The following BANP variants were observed in gnomAD, a reference collection of about 807,000 sequenced individuals.
The protein encoded by BANP is protein BANP.
BANP carries 11 observed loss-of-function variants against 68.1 expected under a neutral mutation model. That is an observed-to-expected ratio of 0.16 (90% CI 0.10 to 0.27). The LOEUF is 0.27. BANP is among the 10% of genes least tolerant of loss of function. The pLI is 1.00. For synonymous variants in BANP, 329 were observed against 303.2 expected (o/e 1.09, Z -0.88); for missense variants, 504 against 722.7 (o/e 0.70, Z 3.47).
intron 4 of BANP, among the ~76,000 whole-genome samples, chr16:87,991,620 ATTTATCTC>A (rs1046001714): frequency 4.6e-5 from 7 of 152,324 alleles, no homozygotes; most frequent in African/African-American, 1.7e-4. Flanking sequence ...ATTTTGTTAC[ATTTATCTC>A]TGAGTACTTC....
At chr16:87,977,695 A>G (rs7206033) in intron 2 of BANP, among the ~76,000 whole-genome samples, 36,631 of 151,992 alleles carry the variant, frequency 0.24, 4,938 homozygotes, top group East Asian at 0.49. Context: ...TGTCTTTCCA[A>G]TTTTTCCTTA....
At chr16:88,066,369 TGTC>T in intron 12 of BANP, among the ~76,000 whole-genome samples, 1 of 152,276 alleles carries the variant, frequency 6.6e-6, no homozygotes. Context: ...GGGAGTTTGG[TGTC>T]GTTTCTCTCT....
At position 87,987,452 on chromosome 16, in the gene BANP, G is replaced by A. The variant is rs181048843; in HGVS notation, c.362+3193G>A. On this transcript the variant is annotated intron_variant, in intron 4 of 13. Transcript: ENST00000682872. ...ACTTTTAAAGAAGGAGGCTGGGTGC[G>A]ATGGCTCACACCTATAATTCCAGCA... is the stretch of plus-strand genomic sequence containing the variant. Among the ~76,000 whole-genome samples the A allele has an allele frequency of 2.0e-4, 30 of 152,048 alleles. No individual in the cohort carries two copies. In the East Asian group the frequency reaches 4.1e-3, roughly 21 times the overall value.
chr16:88,056,173 C>T (rs1291415104), intron 11 of BANP, among the ~76,000 whole-genome samples: 1 of 152,228 alleles, frequency 6.6e-6, no homozygotes, highest in Non-Finnish European at 1.5e-5. Context: ...CCCTAACAGG[C>T]TTGCCGCATG....
chr16:88,065,403 C>A (rs970975380), intron 12 of BANP, 71 bp downstream of exon 12: 1 of 684,226 alleles, frequency 1.5e-6, no homozygotes, highest in Non-Finnish European at 2.7e-6. Context: ...TAAAGACCCC[C>A]GCGATGACAC....
chr16:88,070,841 G>A (rs1466004219), intron 12 of BANP, among the ~76,000 whole-genome samples: 1 of 152,202 alleles, frequency 6.6e-6, no homozygotes, highest in South Asian at 2.1e-4. Flanking sequence ...TTTGCTCTGG[G>A]CGCCGTACTT....
chr16:88,021,661 C>CA (rs11435615), intron 7 of BANP, among the ~76,000 whole-genome samples: 2,721 of 152,266 alleles, frequency 0.018, 77 homozygotes, highest in African/African-American at 0.059. Flanking sequence ...CCCAAAAAAC[C>CA]AAAACAAATG....
At chr16:88,012,445 G>T (rs2152611520) in intron 6 of BANP, among the ~76,000 whole-genome samples, 1 of 152,324 alleles carries the variant, frequency 6.6e-6, no homozygotes, top group Non-Finnish European at 1.5e-5. Context: ...GAACTGAATT[G>T]ACATGGAGTT....
chr16:88,010,316 A>T (rs960320064), intron 6 of BANP, among the ~76,000 whole-genome samples: 13 of 152,344 alleles, frequency 8.5e-5, no homozygotes, highest in East Asian at 7.7e-4. Flanking sequence ...GACTGATCCT[A>T]TACATAAAAT....
intron 11 of BANP, among the ~76,000 whole-genome samples, chr16:88,046,187 G>A (rs1356720161): frequency 1.3e-5 from 2 of 152,266 alleles, no homozygotes; most frequent in Admixed American, 6.5e-5. Context: ...AGAGCCTCCT[G>A]ACGCGGAGGT....
chr16:88,068,643 G>A (rs576922987), intron 12 of BANP, among the ~76,000 whole-genome samples: 7 of 151,916 alleles, frequency 4.6e-5, no homozygotes, highest in South Asian at 2.1e-4. Flanking sequence ...GCGCCAGCTC[G>A]GGGTCTGTGG....
chr16:88,055,850 G>A (rs570446039), intron 11 of BANP, among the ~76,000 whole-genome samples: 4 of 152,270 alleles, frequency 2.6e-5, no homozygotes, highest in African/African-American at 7.2e-5. Flanking sequence ...AGAAATCTTG[G>A]AGACTCTCAG....
chr16:88,041,836 C>A (rs563299769), intron 11 of BANP, among the ~76,000 whole-genome samples: 1 of 152,206 alleles, frequency 6.6e-6, no homozygotes, highest in Non-Finnish European at 1.5e-5. Flanking sequence ...TGAGTGTGAG[C>A]CTGCACTAAG....
intron 10 of BANP, 71 bp from the exon 11 acceptor site, chr16:88,037,902 G>C: frequency 2.7e-6 from 4 of 1,471,700 alleles, no homozygotes; most frequent in Non-Finnish European, 3.8e-6. Context: ...GTGTCTTGGC[G>C]TGTTTGCCGT....
At chr16:88,030,011 C>T (rs775188011) in intron 8 of BANP, among the ~76,000 whole-genome samples, 10 of 152,240 alleles carry the variant, frequency 6.6e-5, no homozygotes, top group South Asian at 2.1e-4. Context: ...TCCCACTGGC[C>T]GGAGTCCTCA....
intron 7 of BANP, among the ~76,000 whole-genome samples, chr16:88,026,958 G>T (rs1481724838): frequency 6.6e-6 from 1 of 152,254 alleles, no homozygotes; most frequent in Non-Finnish European, 1.5e-5. Context: ...AGCCCAGGAG[G>T]GCGGGAGGGC....
At position 88,077,238 on chromosome 16, in the gene BANP, C is replaced by G. The variant is rs2091742318; in HGVS notation, c.*577C>G. On this transcript the variant is annotated 3_prime_UTR_variant, in exon 14 of 14. Transcript: ENST00000682872. ...AGCTCTCGGTTCCGATGGGGTATTG[C>G]TGACCTACTTTTCTAGGGGAAATGC... 1 of 152,444 alleles carries G rather than the reference C, an allele frequency of 6.6e-6. No homozygotes were observed. Among genetic ancestry groups the G allele is most frequent in the Non-Finnish European group, 1.5e-5 (1 of 68,166 alleles). The allele number at this position is 152,444 out of a possible 1,614,324, so 9.4% of individuals were successfully genotyped here.
At chr16:87,984,462 C>T (rs2063897415) in intron 4 of BANP, among the ~76,000 whole-genome samples, 1 of 152,256 alleles carries the variant, frequency 6.6e-6, no homozygotes. Flanking sequence ...GACCTGAAGT[C>T]ATCCTCACGT....
chr16:87,961,217 G>A (rs1348409641), intron 1 of BANP, among the ~76,000 whole-genome samples: 4 of 152,206 alleles, frequency 2.6e-5, no homozygotes, highest in Non-Finnish European at 5.9e-5. Context: ...AAACACACTT[G>A]TTGCGTGTTG....
Sources: allele counts gnomAD v4.1 joint callset (sites outside exome capture counted in the v4.1 genomes callset), GRCh38; gene constraint gnomAD v4.1.1; transcripts MANE v1.5; gene names NCBI Gene and HGNC (gene_info 2026-07-23, HGNC 2026-07-21).